CEP85L: variants seen among roughly 807,000 people sequenced by gnomAD.
CEP85L encodes the protein centrosomal protein 85L.
CEP85L carries 60 observed loss-of-function variants against 100.3 expected under a neutral mutation model. The observed-to-expected ratio is 0.60, with a 90% CI of 0.49 to 0.74. The LOEUF (loss-of-function observed/expected upper bound fraction) is 0.74. Ranked by LOEUF, CEP85L falls within the 30% of genes least tolerant of loss-of-function variation. CEP85L has a pLI of 0.00. For missense variants in CEP85L, 973 were observed against 936.2 expected, an observed-to-expected ratio of 1.04 and a Z score of -0.51; for synonymous variants, 319 against 322.7, an observed-to-expected ratio of 0.99 and a Z score of 0.12.
chr6:118,669,345 T>C (rs1022888763), intron 1 of CEP85L, among the ~76,000 whole-genome samples: 3 of 152,178 alleles, frequency 2.0e-5, no homozygotes, highest in African/African-American at 7.2e-5. Flanking sequence ...TAGAGGGCAT[T>C]AGGGAAACTT....
intron 2 of CEP85L, among the ~76,000 whole-genome samples, chr6:118,596,599 A>G (rs1391579441): frequency 6.6e-6 from 1 of 152,166 alleles, no homozygotes; most frequent in Non-Finnish European, 1.5e-5. Flanking sequence ...TTCCTTCTAA[A>G]TAGTCTTTAT....
At chr6:118,670,968 A>AC (rs1357158984) in intron 1 of CEP85L, among the ~76,000 whole-genome samples, 1 of 152,060 alleles carries the variant, frequency 6.6e-6, no homozygotes, top group East Asian at 1.9e-4. Context: ...AAAAAAAAAA[A>AC]AACACTGTGT....
intron 1 of CEP85L, among the ~76,000 whole-genome samples, chr6:118,650,462 G>C (rs560454625): frequency 2.0e-5 from 3 of 152,248 alleles, no homozygotes; most frequent in African/African-American, 4.8e-5. Context: ...CTTCAGATAC[G>C]GAATGCAGCA....
At chr6:118,585,395 T>TCAAAAGGGAACAGATGAGGTAG in intron 2 of CEP85L, among the ~76,000 whole-genome samples, 1 of 152,206 alleles carries the variant, frequency 6.6e-6, no homozygotes, top group South Asian at 2.1e-4. Context: ...GTAGGAGACA[T>TCAAAAGGGAACAGATGAGGTAG]CAAAAGGGAA....
At chr6:118,694,913 G>T (rs898768338) in intron 1 of CEP85L, among the ~76,000 whole-genome samples, 1 of 152,112 alleles carries the variant, frequency 6.6e-6, no homozygotes, top group African/African-American at 2.4e-5. Context: ...CTGGTAGAGT[G>T]ACCTAGACTT....
intron 2 of CEP85L, among the ~76,000 whole-genome samples, chr6:118,586,914 T>C (rs1012769443): frequency 6.6e-6 from 1 of 152,180 alleles, no homozygotes; most frequent in South Asian, 2.1e-4. Flanking sequence ...AGAATCTCAA[T>C]TACTACTGCA....
chr6:118,500,913 A>G (rs1448828331), intron 5 of CEP85L, among the ~76,000 whole-genome samples: 1 of 152,198 alleles, frequency 6.6e-6, no homozygotes, highest in Non-Finnish European at 1.5e-5. Flanking sequence ...CTAATCTCAT[A>G]GGGGCATGAC....
chr6:118,488,657 T>C (rs555833742), intron 6 of CEP85L, among the ~76,000 whole-genome samples: 1 of 152,098 alleles, frequency 6.6e-6, no homozygotes, highest in Non-Finnish European at 1.5e-5. Context: ...AATATGTGTG[T>C]GTGGGAGGGA....
Position 118,470,539 on chromosome 6 carries a change from C to A in CEP85L, c.2020G>T (p.Glu674Ter). The A allele has an allele frequency of 6.4e-7, 1 of 1,572,282 alleles. No homozygotes were observed. The highest frequency in any genetic ancestry group is 8.6e-7 in the Non-Finnish European group (1 of 1,156,562). ...NVQRLTKALL[E>*]NQRQTDETCS... ...AAAATTGAATTTCTTCTACTCACTTCAAGCAATGCTTTTGTTAATCTCTGT... is the reference window on the plus strand; with the variant it reads ...AAAATTGAATTTCTTCTACTCACTTAAAGCAATGCTTTTGTTAATCTCTGT... The change falls in exon 11 of 13, where the codon GAA becomes TAA. Residue 674 changes from glutamate to a stop codon, truncating the protein, a stop_gained and splice_region_variant. Coordinates refer to ENST00000368491, the MANE Select transcript of CEP85L (RefSeq NM_001042475.3). LOFTEE classifies it high-confidence loss of function.
chr6:118,505,958 T>C (rs994430470), intron 5 of CEP85L, among the ~76,000 whole-genome samples: 6 of 152,154 alleles, frequency 3.9e-5, no homozygotes, highest in African/African-American at 1.4e-4. Context: ...AAAACATTGA[T>C]AGTGGGGGAG....
At chr6:118,578,423 G>C (rs1322231913) in intron 2 of CEP85L, among the ~76,000 whole-genome samples, 1 of 152,200 alleles carries the variant, frequency 6.6e-6, no homozygotes, top group African/African-American at 2.4e-5. Context: ...ACAGAAACAG[G>C]AACTGTGTTA....
chr6:118,653,743 C>CTG (rs372465732), upstream of CEP85L, among the ~76,000 whole-genome samples: 3 of 130,548 alleles, frequency 2.3e-5, no homozygotes, highest in African/African-American at 8.8e-5. Flanking sequence ...AATAGTGACT[C>CTG]TGTGTATGTG....
At chr6:118,476,111 C>T (rs1442884823) in intron 10 of CEP85L, among the ~76,000 whole-genome samples, 1 of 152,120 alleles carries the variant, frequency 6.6e-6, no homozygotes, top group East Asian at 1.9e-4. Context: ...TTCAAGTGAG[C>T]TGTCTTCACT....
intron 2 of CEP85L, among the ~76,000 whole-genome samples, chr6:118,597,807 G>GC (rs1781532121): frequency 6.6e-6 from 1 of 152,140 alleles, no homozygotes; most frequent in Non-Finnish European, 1.5e-5. Flanking sequence ...CATGAAAAAG[G>GC]CAGCATACCA....
intron 2 of CEP85L, among the ~76,000 whole-genome samples, chr6:118,581,048 C>CT (rs934350429): frequency 7.2e-5 from 11 of 152,242 alleles, no homozygotes; most frequent in African/African-American, 2.4e-4. Context: ...ACATGAGGCA[C>CT]TTTTTTTAAT....
chr6:118,470,572 T>C lies in CEP85L; in HGVS notation c.1987A>G (p.Arg663Gly). ...GCTTTTGTTAATCTCTGTACATTTC[T>C]TTCTTTCTTTTCCAGCTCTTCCATC... ...KMMEELEKKE[R>G]NVQRLTKALL... The change falls in exon 11 of 13, where the codon AGA becomes GGA. Residue 663 changes from arginine (R) to glycine (G), a missense_variant. Physicochemically the swap from Arg to Gly is moderately radical, Grantham distance 125. Transcript: ENST00000368491. 2 of 1,606,764 alleles carry C rather than the reference T, an allele frequency of 1.2e-6. No homozygotes were observed. The highest frequency in any genetic ancestry group is 8.5e-7 in the Non-Finnish European group (1 of 1,176,370).
chr6:118,548,850 ACATGCACATTATCAG>A (rs2114917729), intron 3 of CEP85L, among the ~76,000 whole-genome samples: 1 of 152,184 alleles, frequency 6.6e-6, no homozygotes, highest in African/African-American at 2.4e-5. Context: ...TTTGACTACA[ACATGCACATTATCAG>A]CATGCCTATT....
At chr6:118,559,199 G>A in intron 3 of CEP85L, 2 of 819,498 alleles carry the variant, frequency 2.4e-6, no homozygotes, top group Non-Finnish European at 4.4e-6. Context: ...GAGTTTCTTT[G>A]TGAAAAGGTC....
intron 1 of CEP85L, among the ~76,000 whole-genome samples, chr6:118,671,169 A>C (rs1209582937): frequency 6.6e-6 from 1 of 152,158 alleles, no homozygotes; most frequent in Non-Finnish European, 1.5e-5. Context: ...GTGGATCTCT[A>C]TCTGGTTGTG....
Sources: gnomAD v4.1 joint callset for allele counts (sites outside exome capture counted in the v4.1 genomes callset) on GRCh38, gnomAD v4.1.1 for gene constraint, MANE v1.5 for transcripts, NCBI Gene and HGNC (gene_info 2026-07-23, HGNC 2026-07-21) for gene names.